The following ICA1L variants were observed in gnomAD, a reference collection of about 807,000 sequenced individuals.
The protein encoded by ICA1L is islet cell autoantigen 1-like protein.
Under a neutral mutation model 61.3 loss-of-function variants are expected in ICA1L, and 50 were observed. That is an observed-to-expected ratio of 0.82 (90% CI 0.65 to 1.03). The LOEUF is 1.03. Among genes scored for constraint, ICA1L ranks in the 50% least tolerant of loss-of-function variants. The pLI, the probability that ICA1L is intolerant of heterozygous loss-of-function variation, is 0.00. For missense variants in ICA1L, 508 were observed against 556.7 expected, an observed-to-expected ratio of 0.91 and a Z score of 0.88; for synonymous variants, 161 against 191.3, an observed-to-expected ratio of 0.84 and a Z score of 1.31.
At position 202,819,809 on chromosome 2, in the gene ICA1L, AT is replaced by A; in HGVS notation, c.449del (p.Asn150IlefsTer17). On this transcript the variant is annotated frameshift_variant, in exon 5 of 13. Transcript: ENST00000358299. LOFTEE classifies it high-confidence loss of function. ...RAVSDTLMTI[N>X]RMEQARTEYR... ...ATTCTGTGCGTGCCTGCTCCATCCG[AT>A]TAATTGTCATCAAGGTATCAGATAC... is the stretch of plus-strand genomic sequence containing the variant. The A allele has an allele frequency of 6.2e-7, 1 of 1,614,024 alleles. No individual in the cohort carries two copies. The highest frequency in any genetic ancestry group is 1.1e-5 in the South Asian group (1 of 91,084).
Position 202,774,180 on chromosome 2 carries a change from G to A in ICA1L, c.*5353C>T, listed in dbSNP as rs549077983. 72 of 1,550,246 alleles carry A rather than the reference G, an allele frequency of 4.6e-5. No individual in the cohort carries two copies. The highest frequency in any genetic ancestry group is 5.9e-5 in the Admixed American group (3 of 50,930). ...TCATATCTGAGCGGCTTCTTGGAGAGCGGGCACACCAGGAACTCCAGCAGC... is the reference window on the plus strand; with the variant it reads ...TCATATCTGAGCGGCTTCTTGGAGAACGGGCACACCAGGAACTCCAGCAGC... On this transcript the variant is annotated 3_prime_UTR_variant, in exon 13 of 13. Transcript: ENST00000358299.
intron 1 of ICA1L, among the ~76,000 whole-genome samples, chr2:202,861,723 C>T (rs191245731): frequency 4.6e-5 from 7 of 151,400 alleles, no homozygotes; most frequent in Non-Finnish European, 1.0e-4. Flanking sequence ...CCCATCTCTA[C>T]TAAAAACAAA....
At chr2:202,848,098 A>T (rs1390363225) in intron 1 of ICA1L, among the ~76,000 whole-genome samples, 1 of 152,000 alleles carries the variant, frequency 6.6e-6, no homozygotes, top group Non-Finnish European at 1.5e-5. Context: ...AGAAGGGAGG[A>T]GGTGTTGAGA....
Position 202,779,365 on chromosome 2 carries a change from GT to G in ICA1L, c.*167del. On this transcript the variant is annotated 3_prime_UTR_variant, in exon 13 of 13. Coordinates refer to ENST00000358299, the MANE Select transcript of ICA1L (RefSeq NM_001288622.3). Reference sequence around the variant, plus strand: ...TGCAAATCCAAGATATGAAAGATGTGTACTTATTCAAATGTGGTCTTTACCA... The same window carrying G: ...TGCAAATCCAAGATATGAAAGATGTGACTTATTCAAATGTGGTCTTTACCA... 2.0e-6 allele frequency: 1 copy of G among 489,818 alleles called. No homozygotes were observed. Among genetic ancestry groups the G allele is most frequent in the Non-Finnish European group, 3.6e-6 (1 of 278,850 alleles). The allele number at this position is 489,818 out of a possible 1,614,324, so 30.3% of individuals were successfully genotyped here.
intron 1 of ICA1L, among the ~76,000 whole-genome samples, chr2:202,864,329 C>T (rs892757200): frequency 2.0e-5 from 3 of 151,946 alleles, no homozygotes; most frequent in Non-Finnish European, 4.4e-5. Flanking sequence ...CTGCAAGCTC[C>T]GCCTCCCGGG....
At chr2:202,838,186 C>CT (rs914807754) in intron 1 of ICA1L, among the ~76,000 whole-genome samples, 123 of 152,220 alleles carry the variant, frequency 8.1e-4, no homozygotes, top group African/African-American at 2.8e-3. Flanking sequence ...TTTTAAATTT[C>CT]TTTTTTGACA....
At chr2:202,795,281 G>A (rs768979191) in intron 10 of ICA1L, among the ~76,000 whole-genome samples, 35 of 152,050 alleles carry the variant, frequency 2.3e-4, no homozygotes, top group Admixed American at 1.1e-3. Flanking sequence ...GTGAGCCACC[G>A]CGCCCGGCCC....
Position 202,815,951 on chromosome 2 carries a change from G to A in ICA1L, c.743C>T (p.Ala248Val), listed in dbSNP as rs147629577. ...ATCATACGGATGAAAGCCAATACAGGCTTCATGAATTTGGGACATCATTCG... is the reference window on the plus strand; with the variant it reads ...ATCATACGGATGAAAGCCAATACAGACTTCATGAATTTGGGACATCATTCG... Reference protein sequence around the residue: ...TARMMSQIHEACIGFHPYDFV... With the variant: ...TARMMSQIHEVCIGFHPYDFV... The change falls in exon 7 of 13, where the codon GCC becomes GTC. Residue 248 changes from alanine to valine, a missense_variant. Transcript: ENST00000358299. 11 of 1,604,308 alleles carry A rather than the reference G, an allele frequency of 6.9e-6. No individual in the cohort carries two copies. In the African/African-American group the frequency reaches 1.3e-4, roughly 20 times the overall value.
At position 202,825,777 on chromosome 2, in the gene ICA1L, T is replaced by C. The variant is rs371228675; in HGVS notation, c.163-10A>G. ...GAACAGAGTGAAAAACCTTGAGATATAAATTTTATTAGGACAATTTAAAGA... is the reference window on the plus strand; with the variant it reads ...GAACAGAGTGAAAAACCTTGAGATACAAATTTTATTAGGACAATTTAAAGA... On this transcript the variant is annotated splice_polypyrimidine_tract_variant and intron_variant, in intron 2 of 12. Transcript: ENST00000358299. The C allele has an allele frequency of 1.1e-5, 16 of 1,509,836 alleles. No homozygotes were observed. The Admixed American group carries it at 1.5e-4, about 14-fold the overall frequency. 93.5% of individuals were successfully genotyped at this position (1,509,836 alleles called of 1,614,324 possible).
At chr2:202,797,131 T>TG (rs1692951983) in intron 9 of ICA1L, among the ~76,000 whole-genome samples, 167 bp from the exon 10 acceptor site, 1 of 77,060 alleles carries the variant, frequency 1.3e-5, no homozygotes, top group Non-Finnish European at 2.3e-5. Context: ...AAAAATCACA[T>TG]TTGTGTGTGT....
intron 1 of ICA1L, among the ~76,000 whole-genome samples, chr2:202,862,629 G>A (rs924696776): frequency 6.6e-6 from 1 of 151,986 alleles, no homozygotes; most frequent in Non-Finnish European, 1.5e-5. Flanking sequence ...CTGAGGTCAG[G>A]AGTTCGAGAC....
intron 1 of ICA1L, among the ~76,000 whole-genome samples, chr2:202,856,324 C>G (rs1446158204): frequency 6.6e-6 from 1 of 152,098 alleles, no homozygotes; most frequent in African/African-American, 2.4e-5. Context: ...GCTGGTTCAC[C>G]ATATGCAAAT....
Position 202,796,925 on chromosome 2 carries a change from T to C in ICA1L, c.950A>G (p.Glu317Gly). 6.2e-7 allele frequency: 1 copy of C among 1,603,616 alleles called. No individual in the cohort carries two copies. The highest frequency in any genetic ancestry group is 8.5e-7 in the Non-Finnish European group (1 of 1,175,794). ...DHNEKHSQMREFGAPQFSNSE... is the reference protein window; with the variant it reads ...DHNEKHSQMRGFGAPQFSNSE... ...GTTAGAAAACTGAGGTGCTCCAAATTCTCTCATTTGAGAATGTTTTTCATT... is the reference window on the plus strand; with the variant it reads ...GTTAGAAAACTGAGGTGCTCCAAATCCTCTCATTTGAGAATGTTTTTCATT... The change falls in exon 10 of 13, where the codon GAA becomes GGA. Residue 317 changes from glutamate to glycine, a missense_variant. Coordinates refer to ENST00000358299, the MANE Select transcript of ICA1L (RefSeq NM_001288622.3).
In ICA1L at chr2:202,773,571, G is replaced by A. The variant is rs1481600598; in HGVS notation, c.*5962C>T. The A allele has an allele frequency of 2.2e-5, 10 of 451,626 alleles. No homozygotes were observed. The highest frequency in any genetic ancestry group is 1.4e-4 in the African/African-American group (7 of 50,606). 28.0% of individuals were successfully genotyped at this position (451,626 alleles called of 1,614,324 possible). Reference sequence around the variant, plus strand: ...AGAACAAGAGTACAATAAAAGAAGCGTCTGCAACTTAAGCCGTCCACAGTC... The same window carrying A: ...AGAACAAGAGTACAATAAAAGAAGCATCTGCAACTTAAGCCGTCCACAGTC... On this transcript the variant is annotated 3_prime_UTR_variant, in exon 13 of 13. Transcript: ENST00000358299.
chr2:202,864,469 G>A (rs1392894158), intron 1 of ICA1L, among the ~76,000 whole-genome samples: 6 of 151,950 alleles, frequency 3.9e-5, no homozygotes, highest in South Asian at 2.1e-4. Flanking sequence ...TCCTGACCTC[G>A]TGATCCACCC....
At chr2:202,834,521 G>A (rs1487494483) in intron 1 of ICA1L, among the ~76,000 whole-genome samples, 1 of 152,040 alleles carries the variant, frequency 6.6e-6, no homozygotes, top group Non-Finnish European at 1.5e-5. Flanking sequence ...CCTGCTACTA[G>A]GGAGGCTGAG....
chr2:202,805,881 A>AG (rs1194034176), intron 9 of ICA1L, among the ~76,000 whole-genome samples: 4 of 152,210 alleles, frequency 2.6e-5, no homozygotes, highest in Non-Finnish European at 5.9e-5. Context: ...GACTTAAAAA[A>AG]AAGTTCTGTA....
Position 202,773,558 on chromosome 2 carries a change from C to T in ICA1L, c.*5975G>A, listed in dbSNP as rs1268694085. Reference sequence around the variant, plus strand: ...AAAAAACACGGGCAGAACAAGAGTACAATAAAAGAAGCGTCTGCAACTTAA... The same window carrying T: ...AAAAAACACGGGCAGAACAAGAGTATAATAAAAGAAGCGTCTGCAACTTAA... On this transcript the variant is annotated 3_prime_UTR_variant, in exon 13 of 13. Transcript: ENST00000358299. 1 of 441,324 alleles carries T rather than the reference C, an allele frequency of 2.3e-6. No homozygotes were observed. Among genetic ancestry groups the T allele is most frequent in the African/African-American group, 2.0e-5 (1 of 50,482 alleles). 27.3% of individuals were successfully genotyped at this position (441,324 alleles called of 1,614,324 possible).
intron 1 of ICA1L, among the ~76,000 whole-genome samples, chr2:202,858,672 T>C (rs1681870138): frequency 1.3e-5 from 2 of 152,182 alleles, no homozygotes; most frequent in South Asian, 4.1e-4. Flanking sequence ...AAGATTATAA[T>C]GGAGCAGAGA....
Sources: allele counts gnomAD v4.1 joint callset (sites outside exome capture counted in the v4.1 genomes callset), GRCh38; gene constraint gnomAD v4.1.1; transcripts MANE v1.5; gene names NCBI Gene and HGNC (gene_info 2026-07-23, HGNC 2026-07-21).